EVA1A: variants seen among roughly 807,000 people sequenced by gnomAD.
EVA1A encodes the protein protein eva-1 homolog A.
In EVA1A, 7 loss-of-function variants were observed where a neutral mutation model predicts 9.8. The observed-to-expected ratio is 0.71, with a 90% CI of 0.41 to 1.34. The LOEUF (loss-of-function observed/expected upper bound fraction) is 1.34, where lower values mean the gene tolerates loss of function less well. Among genes scored for constraint, EVA1A ranks in the 40% most tolerant of loss-of-function variants. The pLI is 0.01. For synonymous variants in EVA1A, 90 were observed against 85.6 expected (o/e 1.05, Z -0.28); for missense variants, 206 against 205.9 (o/e 1.00, Z 0.00).
At chr2:75,539,985 G>C (rs34591847) in intron 1 of EVA1A, among the ~76,000 whole-genome samples, 1 of 152,186 alleles carries the variant, frequency 6.6e-6, no homozygotes, top group Non-Finnish European at 1.5e-5. Context: ...AGGAGATGCA[G>C]ACATTGCTGG....
intron 1 of EVA1A, among the ~76,000 whole-genome samples, chr2:75,539,479 A>G (rs558961511): frequency 6.6e-6 from 1 of 152,308 alleles, no homozygotes; most frequent in Admixed American, 6.5e-5. Flanking sequence ...AAACGAGGCT[A>G]ATGATTCCCA....
At chr2:75,509,774 T>C (rs1217272531) in intron 3 of EVA1A, among the ~76,000 whole-genome samples, 1 of 152,176 alleles carries the variant, frequency 6.6e-6, no homozygotes, top group Non-Finnish European at 1.5e-5. Context: ...TGAGGTAATC[T>C]CTATGCATAT....
exon 1 of EVA1A, chr2:75,569,591 C>T (rs1677085731): frequency 6.6e-6 from 1 of 152,266 alleles, no homozygotes; most frequent in Non-Finnish European, 1.5e-5. Context: ...AAAATAAAAT[C>T]AGGTCTCCAT....
rs558601614 is a variant in EVA1A at position 75,537,910 on chromosome 2, G to A, written c.-191-15423C>T. Among the ~76,000 whole-genome samples the A allele has an allele frequency of 9.8e-4, 150 of 152,350 alleles. 1 individual carries two copies. The South Asian group carries it at 0.014, about 15-fold the overall frequency. On this transcript the variant is annotated intron_variant, in intron 1 of 3. Transcript: ENST00000393913. ...TGATGCTATGCTTGTACAGTCTGCA[G>A]AATGATGAGCCAAATAAACATCTTT...
chr2:75,494,152 TG>T (rs150200467), intron 3 of EVA1A, among the ~76,000 whole-genome samples: 2,933 of 152,242 alleles, frequency 0.019, 90 homozygotes, highest in African/African-American at 0.067. Context: ...TTGGACAACA[TG>T]GGTTTGAACA....
chr2:75,530,059 C>A (rs1189603480), intron 1 of EVA1A, among the ~76,000 whole-genome samples: 3 of 151,888 alleles, frequency 2.0e-5, no homozygotes, highest in Admixed American at 6.6e-5. Flanking sequence ...GGAAAAGAAA[C>A]AGGAGATATT....
intron 1 of EVA1A, among the ~76,000 whole-genome samples, chr2:75,533,394 G>T (rs996935215): frequency 2.6e-5 from 4 of 152,136 alleles, no homozygotes; most frequent in African/African-American, 9.7e-5. Flanking sequence ...TGCCCTTCAA[G>T]ATGTAGGGGA....
intron 1 of EVA1A, among the ~76,000 whole-genome samples, chr2:75,543,555 A>G (rs560825304): frequency 1.2e-4 from 18 of 152,022 alleles, no homozygotes; most frequent in African/African-American, 4.3e-4. Context: ...GGAAGTCTAG[A>G]AGCCCAGAGC....
Position 75,536,075 on chromosome 2 carries a change from G to A in EVA1A, c.-191-13588C>T, listed in dbSNP as rs1287875133. Among the ~76,000 whole-genome samples the A allele has an allele frequency of 2.0e-5, 3 of 152,212 alleles. No homozygotes were observed. The East Asian group carries it at 5.8e-4, about 29-fold the overall frequency. ...ATATATGAAGTTAGTTTCTTATAGT[G>A]TATAGTTGGTACATGGTTTTTTATA... is the stretch of plus-strand genomic sequence containing the variant. On this transcript the variant is annotated intron_variant, in intron 1 of 3. Coordinates refer to ENST00000393913, the MANE Select transcript of EVA1A (RefSeq NM_001135032.2).
At chr2:75,538,272 G>A (rs927667637) in intron 1 of EVA1A, among the ~76,000 whole-genome samples, 2 of 152,124 alleles carry the variant, frequency 1.3e-5, no homozygotes, top group Non-Finnish European at 2.9e-5. Flanking sequence ...TCCAGCCTGG[G>A]TGACAGAGCG....
chr2:75,525,961 A>G (rs2103873515), intron 1 of EVA1A, among the ~76,000 whole-genome samples: 1 of 152,354 alleles, frequency 6.6e-6, no homozygotes, highest in East Asian at 1.9e-4. Flanking sequence ...TTTAGCCTGG[A>G]GGCTGCCTAC....
chr2:75,565,777 A>C (rs1677015182), upstream of EVA1A, among the ~76,000 whole-genome samples: 1 of 152,234 alleles, frequency 6.6e-6, no homozygotes, highest in Admixed American at 6.5e-5. Flanking sequence ...TGAGAGGCTA[A>C]TGGATGTGCA....
intron 3 of EVA1A, among the ~76,000 whole-genome samples, chr2:75,498,487 TA>T (rs1260251207): frequency 5.3e-5 from 8 of 151,498 alleles, no homozygotes; most frequent in South Asian, 2.1e-4. Flanking sequence ...AAAATAAAAG[TA>T]AAAAAAACCC....
chr2:75,556,887 C>A (rs553218739), intron 1 of EVA1A, among the ~76,000 whole-genome samples: 1 of 152,118 alleles, frequency 6.6e-6, no homozygotes, highest in African/African-American at 2.4e-5. Context: ...GGAGCTCAGG[C>A]GATGACCCTG....
At chr2:75,550,873 C>T (rs1676496810) in intron 1 of EVA1A, among the ~76,000 whole-genome samples, 1 of 152,154 alleles carries the variant, frequency 6.6e-6, no homozygotes, top group Non-Finnish European at 1.5e-5. Context: ...CCTGTAATCC[C>T]AGCACTTTGG....
chr2:75,498,404 A>T (rs375169245), intron 3 of EVA1A, among the ~76,000 whole-genome samples: 5 of 152,150 alleles, frequency 3.3e-5, no homozygotes, highest in African/African-American at 1.2e-4. Context: ...AAGTGATGGG[A>T]TCATTCGTAC....
At chr2:75,532,957 A>C (rs1675720438) in intron 1 of EVA1A, among the ~76,000 whole-genome samples, 1 of 152,118 alleles carries the variant, frequency 6.6e-6, no homozygotes, top group Non-Finnish European at 1.5e-5. Flanking sequence ...AGCCTAGGTA[A>C]TATGGCAAAA....
chr2:75,519,270 T>C (rs921732541), intron 2 of EVA1A, among the ~76,000 whole-genome samples: 4 of 152,130 alleles, frequency 2.6e-5, no homozygotes, highest in African/African-American at 7.2e-5. Context: ...AGGCAGGCAA[T>C]TGAGTCACAG....
intron 3 of EVA1A, among the ~76,000 whole-genome samples, chr2:75,516,341 C>T (rs1371471467): frequency 6.6e-6 from 1 of 152,180 alleles, no homozygotes; most frequent in Non-Finnish European, 1.5e-5. Flanking sequence ...ACACTGCATC[C>T]AAATTTTATT....
Sources: gnomAD v4.1 joint callset for allele counts (sites outside exome capture counted in the v4.1 genomes callset) on GRCh38, gnomAD v4.1.1 for gene constraint, MANE v1.5 for transcripts, NCBI Gene and HGNC (gene_info 2026-07-23, HGNC 2026-07-21) for gene names.